MRTFA: variants seen among roughly 807,000 people sequenced by gnomAD.
The protein encoded by MRTFA is myocardin-related transcription factor A.
Under a neutral mutation model 83.5 loss-of-function variants are expected in MRTFA, and 20 were observed. That is an observed-to-expected ratio of 0.24 (90% CI 0.17 to 0.35). MRTFA has a LOEUF of 0.35. Among genes scored for constraint, MRTFA ranks in the 10% least tolerant of loss-of-function variants. The probability of loss-of-function intolerance (pLI) is 1.00; values close to 1 mark genes in which losing one functional copy is unlikely to be tolerated. For synonymous variants in MRTFA, 659 were observed against 541.2 expected (o/e 1.22, Z -3.02); for missense variants, 1,200 against 1,224.7 (o/e 0.98, Z 0.30).
intron 1 of MRTFA, among the ~76,000 whole-genome samples, chr22:40,628,967 C>T (rs2056610966): frequency 6.6e-6 from 1 of 152,150 alleles, no homozygotes; most frequent in African/African-American, 2.4e-5. Flanking sequence ...TATCTTCTCT[C>T]CTCATACATG....
At chr22:40,617,761 G>A (rs1384657334) in intron 1 of MRTFA, among the ~76,000 whole-genome samples, 1 of 151,264 alleles carries the variant, frequency 6.6e-6, no homozygotes, top group African/African-American at 2.4e-5. Context: ...AAGAAAGAAT[G>A]GCCTAGCCAT....
chr22:40,532,168 G>A (rs2055092861), intron 3 of MRTFA, among the ~76,000 whole-genome samples: 1 of 152,180 alleles, frequency 6.6e-6, no homozygotes, highest in African/African-American at 2.4e-5. Context: ...TATTAAGTAT[G>A]TCCCTTTCCC....
chr22:40,630,395 AAAAAC>A (rs935053973), intron 1 of MRTFA, among the ~76,000 whole-genome samples: 37 of 152,258 alleles, frequency 2.4e-4, no homozygotes, highest in African/African-American at 7.2e-4. Flanking sequence ...CTGTCTCTTT[AAAAAC>A]AAAACAAAAG....
intron 1 of MRTFA, among the ~76,000 whole-genome samples, chr22:40,636,218 G>A (rs2056696859): frequency 6.6e-6 from 1 of 152,170 alleles, no homozygotes; most frequent in Non-Finnish European, 1.5e-5. Flanking sequence ...GCACAGCCCT[G>A]CCAGGCAGTG....
chr22:40,424,926 C>T (rs1381237675), intron 7 of MRTFA, among the ~76,000 whole-genome samples: 1 of 152,156 alleles, frequency 6.6e-6, no homozygotes, highest in Non-Finnish European at 1.5e-5. Flanking sequence ...CAGGAACAGA[C>T]TAAGGAGCCT....
intron 4 of MRTFA, among the ~76,000 whole-genome samples, chr22:40,459,450 G>C (rs1450067459): frequency 6.6e-6 from 1 of 151,906 alleles, no homozygotes; most frequent in Non-Finnish European, 1.5e-5. Flanking sequence ...GGTGGATCTT[G>C]GTATATGGGA....
At chr22:40,558,247 CTTTTTTTTTTT>C (rs34991397) in intron 2 of MRTFA, among the ~76,000 whole-genome samples, 2 of 45,524 alleles carry the variant, frequency 4.4e-5, no homozygotes, top group African/African-American at 1.0e-4. Flanking sequence ...TCATGCCTGG[CTTTTTTTTTTT>C]TTTTTTTTTT....
At chr22:40,550,134 T>A (rs978520914) in intron 3 of MRTFA, among the ~76,000 whole-genome samples, 1 of 150,830 alleles carries the variant, frequency 6.6e-6, no homozygotes, top group African/African-American at 2.4e-5. Flanking sequence ...ATGTTACAGG[T>A]AGAATCTAAG....
chr22:40,526,017 C>T (rs914133275), intron 3 of MRTFA, among the ~76,000 whole-genome samples: 1 of 143,842 alleles, frequency 7.0e-6, no homozygotes, highest in Admixed American at 7.0e-5. Context: ...AAAAAAGTAA[C>T]TTTTTTTTTT....
At position 40,540,762 on chromosome 22, in the gene MRTFA, G is replaced by A. The variant is rs924088655; in HGVS notation, c.241+11344C>T. On this transcript the variant is annotated intron_variant, in intron 3 of 14. Coordinates refer to ENST00000355630, the MANE Select transcript of MRTFA (RefSeq NM_020831.6). ...ACTACACTCCAGCCTGGGTGACAGAGTGAGACTCTGTCTCAAAAAAAAAAA... is the reference window on the plus strand; with the variant it reads ...ACTACACTCCAGCCTGGGTGACAGAATGAGACTCTGTCTCAAAAAAAAAAA... Among the ~76,000 whole-genome samples, 9 of 127,050 alleles carry A rather than the reference G, an allele frequency of 7.1e-5. No individual in the cohort carries two copies. In the Admixed American group the frequency reaches 7.5e-4, roughly 11 times the overall value. The allele number at this position is 127,050 out of a possible 152,430, so 83.3% of individuals were successfully genotyped here.
At chr22:40,536,865 T>C (rs2055186985) in intron 3 of MRTFA, among the ~76,000 whole-genome samples, 1 of 31,498 alleles carries the variant, frequency 3.2e-5, no homozygotes, top group South Asian at 1.1e-3. Flanking sequence ...ACCCTCTGCC[T>C]GGCAACCACC....
At chr22:40,490,661 T>C (rs1335704142) in intron 3 of MRTFA, among the ~76,000 whole-genome samples, 1 of 151,872 alleles carries the variant, frequency 6.6e-6, no homozygotes, top group African/African-American at 2.4e-5. Context: ...TGGGCACTGA[T>C]AATCACTCCA....
intron 4 of MRTFA, among the ~76,000 whole-genome samples, chr22:40,455,075 C>T (rs2053558802): frequency 6.6e-6 from 1 of 152,180 alleles, no homozygotes. Flanking sequence ...GCTGGGACTG[C>T]AAATGTGAGC....
At chr22:40,562,725 G>GA (rs1458018499) in intron 2 of MRTFA, among the ~76,000 whole-genome samples, 2 of 83,640 alleles carry the variant, frequency 2.4e-5, no homozygotes, top group African/African-American at 9.5e-5. Flanking sequence ...GAAGGGGGAA[G>GA]GGGGAAGGGG....
intron 3 of MRTFA, among the ~76,000 whole-genome samples, chr22:40,534,372 C>T (rs796446345): frequency 5.9e-5 from 9 of 152,330 alleles, no homozygotes; most frequent in African/African-American, 2.2e-4. Flanking sequence ...ATCTGTCAGT[C>T]CCCTAAAAGA....
At chr22:40,601,458 C>T (rs1175864144) in intron 1 of MRTFA, among the ~76,000 whole-genome samples, 1 of 152,184 alleles carries the variant, frequency 6.6e-6, no homozygotes, top group African/African-American at 2.4e-5. Context: ...ATCCTCCTGC[C>T]TTGACCTCCT....
intron 2 of MRTFA, among the ~76,000 whole-genome samples, chr22:40,573,356 GC>G (rs1156666269): frequency 6.6e-6 from 1 of 152,150 alleles, no homozygotes; most frequent in Non-Finnish European, 1.5e-5. Flanking sequence ...CCAGGTTCAA[GC>G]AATTCTCCTG....
At chr22:40,483,467 C>T (rs1459700500) in intron 3 of MRTFA, among the ~76,000 whole-genome samples, 2 of 150,786 alleles carry the variant, frequency 1.3e-5, no homozygotes, top group Non-Finnish European at 2.9e-5. Flanking sequence ...GAGTGGATCA[C>T]GAGGTCAGGA....
At chr22:40,507,036 T>C (rs183692802) in intron 3 of MRTFA, among the ~76,000 whole-genome samples, 66 of 152,336 alleles carry the variant, frequency 4.3e-4, no homozygotes, top group Admixed American at 1.6e-3. Context: ...AAAGCTGCTA[T>C]GCCCCAAGAG....
Sources: allele counts gnomAD v4.1 joint callset (sites outside exome capture counted in the v4.1 genomes callset), GRCh38; gene constraint gnomAD v4.1.1; transcripts MANE v1.5; gene names NCBI Gene and HGNC (gene_info 2026-07-23, HGNC 2026-07-21).